TSPAN3: variants seen among roughly 807,000 people sequenced by gnomAD.
The protein encoded by TSPAN3 is tetraspanin 3.
Under a neutral mutation model 31.1 loss-of-function variants are expected in TSPAN3, and 9 were observed. The observed-to-expected ratio is 0.29, with a 90% CI of 0.17 to 0.50. The LOEUF (loss-of-function observed/expected upper bound fraction) is 0.50. Among genes scored for constraint, TSPAN3 ranks in the 20% least tolerant of loss-of-function variants. The pLI is 0.98. For synonymous variants in TSPAN3, 129 were observed against 114.3 expected (o/e 1.13, Z -0.82); for missense variants, 252 against 313.5 (o/e 0.80, Z 1.48).
intron 5 of TSPAN3, 119 bp from the exon 6 acceptor site, chr15:77,052,587 G>C (rs987596333): frequency 7.7e-5 from 88 of 1,148,542 alleles, no homozygotes; most frequent in Non-Finnish European, 9.9e-5. Context: ...GTGGAAAAAA[G>C]ATTCCATGAT....
At chr15:77,064,822 A>C (rs999634995) in intron 1 of TSPAN3, 1 of 152,252 alleles carries the variant, frequency 6.6e-6, no homozygotes, top group Admixed American at 6.5e-5. Context: ...CATTCATGAT[A>C]GGAGAAATAC....
intron 1 of TSPAN3, among the ~76,000 whole-genome samples, chr15:77,065,773 T>C (rs1482876089): frequency 6.6e-6 from 1 of 152,218 alleles, no homozygotes; most frequent in African/African-American, 2.4e-5. Flanking sequence ...CTACAATTTA[T>C]ATGTGTGAAG....
At chr15:77,054,889 G>GC (rs1418100903) in intron 3 of TSPAN3, 1 of 152,266 alleles carries the variant, frequency 6.6e-6, no homozygotes, top group Non-Finnish European at 1.5e-5. Flanking sequence ...AAAATGGCAA[G>GC]CAAGTATCAC....
Position 77,044,340 on chromosome 15 carries a change from G to C in TSPAN3, c.*2495C>G, listed in dbSNP as rs1198245831. The C allele has an allele frequency of 2.0e-5, 3 of 152,238 alleles. No homozygotes were observed. The allele number at this position is 152,238 out of a possible 1,614,324, so 9.4% of individuals were successfully genotyped here. ...AAGCACTGGGTAATGCCAACACCTA[G>C]CCTCAGCTACACGGGGGAAGGGCAG... is the stretch of plus-strand genomic sequence containing the variant. On this transcript the variant is annotated 3_prime_UTR_variant, in exon 7 of 7. Coordinates refer to ENST00000267970, the MANE Select transcript of TSPAN3 (RefSeq NM_005724.6).
chr15:77,070,168 C>A (rs2076858192), intron 1 of TSPAN3: 1 of 152,044 alleles, frequency 6.6e-6, no homozygotes, highest in African/African-American at 2.4e-5. Context: ...GAGGGTGTAC[C>A]CCTTAAAAAT....
chr15:77,069,100 G>A (rs1320574147), intron 1 of TSPAN3, among the ~76,000 whole-genome samples: 1 of 152,170 alleles, frequency 6.6e-6, no homozygotes, highest in Non-Finnish European at 1.5e-5. Flanking sequence ...CAGTCATTTA[G>A]AAATGTAAAT....
chr15:77,054,341 C>T, intron 3 of TSPAN3, 62 bp from the exon 4 acceptor site: 1 of 1,162,236 alleles, frequency 8.6e-7, no homozygotes, highest in Non-Finnish European at 1.3e-6. Context: ...TTAGTCAAGG[C>T]TCCTACTAAA....
chr15:77,049,902 G>T, intron 6 of TSPAN3, among the ~76,000 whole-genome samples: 1 of 152,114 alleles, frequency 6.6e-6, no homozygotes. Context: ...CAAAATTTAG[G>T]AATTTAATCT....
intron 1 of TSPAN3, among the ~76,000 whole-genome samples, chr15:77,056,918 G>T (rs139020550): frequency 7.9e-5 from 12 of 152,360 alleles, no homozygotes; most frequent in African/African-American, 2.6e-4. Context: ...ATAACAAGCA[G>T]ATTGATTCAG....
rs1351625707 is a variant in TSPAN3 at position 77,054,129 on chromosome 15, C to T, written c.432+49G>A. Reference sequence around the variant, plus strand: ...GAAATAGCAGTTAGTTTAATGTTGACCCAATCGTGATTGGTCCTCAAAAAC... The same window carrying T: ...GAAATAGCAGTTAGTTTAATGTTGATCCAATCGTGATTGGTCCTCAAAAAC... On this transcript the variant is annotated intron_variant, in intron 4 of 6. Coordinates refer to ENST00000267970, the MANE Select transcript of TSPAN3 (RefSeq NM_005724.6). 4.6e-6 allele frequency: 6 copies of T among 1,303,864 alleles called. No individual in the cohort carries two copies. The African/African-American group carries it at 7.3e-5, about 16-fold the overall frequency. The allele number at this position is 1,303,864 out of a possible 1,614,324, so 80.8% of individuals were successfully genotyped here. A position where few individuals can be genotyped will look rare whatever the true frequency, so the allele number is the denominator to read the frequency against.
At chr15:77,055,374 C>G (rs1290439898) in intron 3 of TSPAN3, 1 of 156,242 alleles carries the variant, frequency 6.4e-6, no homozygotes, top group African/African-American at 2.4e-5. Context: ...AAGGTGGGAT[C>G]ACAACTCACA....
intron 6 of TSPAN3, among the ~76,000 whole-genome samples, chr15:77,050,937 C>T (rs113254163): frequency 0.017 from 2,622 of 152,210 alleles, 42 homozygotes; most frequent in African/African-American, 0.05. Context: ...TTTTAAAAGG[C>T]CTTTCCCATT....
At chr15:77,061,106 A>T (rs1026383769) in intron 1 of TSPAN3, among the ~76,000 whole-genome samples, 1 of 152,202 alleles carries the variant, frequency 6.6e-6, no homozygotes, top group African/African-American at 2.4e-5. Flanking sequence ...CTTCCTCTAC[A>T]TATGCACAAA....
rs1202621612 is a variant in TSPAN3 at position 77,071,051 on chromosome 15, G to A, written c.-97C>T. ...GGCGCCTCCTCGCTAGGAACTGCACGGCCTGCGCGGCGCTCCCCGCAGCCC... is the reference window on the plus strand; with the variant it reads ...GGCGCCTCCTCGCTAGGAACTGCACAGCCTGCGCGGCGCTCCCCGCAGCCC... On this transcript the variant is annotated 5_prime_UTR_variant, in exon 1 of 7. Coordinates refer to ENST00000267970, the MANE Select transcript of TSPAN3 (RefSeq NM_005724.6). 5.9e-6 allele frequency: 5 copies of A among 840,728 alleles called. No individual in the cohort carries two copies. Among genetic ancestry groups the A allele is most frequent in the East Asian group, 3.8e-5 (1 of 26,450 alleles). The allele number at this position is 840,728 out of a possible 1,614,324, so 52.1% of individuals were successfully genotyped here.
rs1281082874 is a variant in TSPAN3 at position 77,044,647 on chromosome 15, G to A, written c.*2188C>T. ...CAAACTGAGGACTGAGTACAGGAAG[G>A]GTGTGGAGAATTATCCTCTTGGGCA... On this transcript the variant is annotated 3_prime_UTR_variant, in exon 7 of 7. Coordinates refer to ENST00000267970, the MANE Select transcript of TSPAN3 (RefSeq NM_005724.6). The A allele has an allele frequency of 6.6e-6, 1 of 152,288 alleles. No homozygotes were observed. Among genetic ancestry groups the A allele is most frequent in the African/African-American group, 2.4e-5 (1 of 41,428 alleles). 9.4% of individuals were successfully genotyped at this position (152,288 alleles called of 1,614,324 possible).
At position 77,052,466 on chromosome 15, in the gene TSPAN3, C is replaced by G. The variant is rs371759975; in HGVS notation, c.588G>C (p.Gly196=). 1.2e-6 allele frequency: 2 copies of G among 1,613,690 alleles called. No homozygotes were observed. Among genetic ancestry groups the G allele is most frequent in the African/African-American group, 1.3e-5 (1 of 74,906 alleles). The change falls in exon 6 of 7, where the codon GGG becomes GGC. Residue 196 remains glycine, a splice_region_variant and synonymous_variant. Coordinates refer to ENST00000267970, the MANE Select transcript of TSPAN3 (RefSeq NM_005724.6). The part of the protein sequence containing the change: ...LAHPSDLYAE[G]CEALVVKKLQ... Reference sequence around the variant, plus strand: ...GCTTCTTCACTACTAGAGCCTCACACCCCTGTAACAAACACAGTCATCCTC... The same window carrying G: ...GCTTCTTCACTACTAGAGCCTCACAGCCCTGTAACAAACACAGTCATCCTC...
Position 77,054,198 on chromosome 15 carries a change from T to C in TSPAN3, c.412A>G (p.Ile138Val), listed in dbSNP as rs138918071. The C allele has an allele frequency of 1.7e-5, 28 of 1,613,790 alleles. No individual in the cohort carries two copies. Among genetic ancestry groups the C allele is most frequent in the African/African-American group, 6.7e-5 (5 of 74,908 alleles). ...GTNPDAASRA[I>V]DYVQRQLHCC... ...CTCACCTGTCTCTGTACATAATCAA[T>C]AGCCCGGCTAGCAGCATCAGGGTTG... Residue 138 changes from isoleucine to valine, a missense_variant, in exon 4 of 7, where the codon ATT (isoleucine) becomes GTT (valine). By Grantham distance (29) the Ile-to-Val change is conservative. Transcript: ENST00000267970.
In TSPAN3 at chr15:77,070,888, T is replaced by C; in HGVS notation, c.63+4A>G. 1 of 1,384,496 alleles carries C rather than the reference T, an allele frequency of 7.2e-7. No individual in the cohort carries two copies. The highest frequency in any genetic ancestry group is 1.6e-5 in the South Asian group (1 of 63,492). The allele number at this position is 1,384,496 out of a possible 1,614,324, so 85.8% of individuals were successfully genotyped here. Reference sequence around the variant, plus strand: ...GGCCCCTCGCTCTGCCCGGCCCCGCTCACCCAGAAGATGAGGTTGAGAAAG... The same window carrying C: ...GGCCCCTCGCTCTGCCCGGCCCCGCCCACCCAGAAGATGAGGTTGAGAAAG... On this transcript the variant is annotated splice_donor_region_variant and intron_variant, in intron 1 of 6. Transcript: ENST00000267970.
rs2152695658 is a variant in TSPAN3 at position 77,052,390 on chromosome 15, T to G, written c.664A>C (p.Ile222Leu). 6.2e-7 allele frequency: 1 copy of G among 1,614,174 alleles called. No individual in the cohort carries two copies. The highest frequency in any genetic ancestry group is 8.5e-7 in the Non-Finnish European group (1 of 1,179,996). The change falls in exon 6 of 7, where the codon ATT becomes CTT. Residue 222 changes from isoleucine to leucine, a missense_variant. Physicochemically the swap from Ile to Leu is conservative, Grantham distance 5 (BLOSUM62 2). Transcript: ENST00000267970. ...CCTTGGCAAGCTGTGCTTACCTGAATAGCTGCAAATGCCAGTGCGGCCCAG... is the reference window on the plus strand; with the variant it reads ...CCTTGGCAAGCTGTGCTTACCTGAAGAGCTGCAAATGCCAGTGCGGCCCAG... ...VIWAALAFAA[I>L]QLLGMLCACI...
Sources: allele counts gnomAD v4.1 joint callset (sites outside exome capture counted in the v4.1 genomes callset), GRCh38; gene constraint gnomAD v4.1.1; transcripts MANE v1.5; gene names NCBI Gene and HGNC (gene_info 2026-07-23, HGNC 2026-07-21).